NPAS3: variants seen among roughly 807,000 people sequenced by gnomAD.
The protein encoded by NPAS3 is neuronal PAS domain protein 3, also known as neuronal PAS domain-containing protein 3.
A neutral mutation model predicts 73.1 loss-of-function variants in NPAS3; 14 were observed. That is an observed-to-expected ratio of 0.19 (90% CI 0.13 to 0.30). The LOEUF is 0.30. Among genes scored for constraint, NPAS3 ranks in the 10% least tolerant of loss-of-function variants. The probability of loss-of-function intolerance (pLI) is 1.00; values close to 1 mark genes in which losing one functional copy is unlikely to be tolerated. For synonymous variants in NPAS3, 620 were observed against 541.5 expected (o/e 1.14, Z -2.01); for missense variants, 1,096 against 1,250.0 (o/e 0.88, Z 1.86).
intron 4 of NPAS3, among the ~76,000 whole-genome samples, chr14:33,390,937 T>G (rs2046974668): frequency 1.3e-5 from 2 of 152,024 alleles, no homozygotes; most frequent in African/African-American, 2.4e-5. Context: ...GAAAAAAAAA[T>G]TAATAAGGCA....
At chr14:33,685,098 C>G (rs1309070063) in intron 6 of NPAS3, among the ~76,000 whole-genome samples, 1 of 151,750 alleles carries the variant, frequency 6.6e-6, no homozygotes, top group African/African-American at 2.4e-5. Flanking sequence ...GTAGATTATT[C>G]AACAACCATT....
At chr14:33,343,624 A>T (rs937138823) in intron 3 of NPAS3, among the ~76,000 whole-genome samples, 5 of 152,210 alleles carry the variant, frequency 3.3e-5, no homozygotes, top group Admixed American at 2.0e-4. Flanking sequence ...TTAAATATTT[A>T]AAATGTTCCA....
chr14:32,937,666 TGGAG>T (rs2035740472), upstream of NPAS3, among the ~76,000 whole-genome samples: 1 of 152,230 alleles, frequency 6.6e-6, no homozygotes, highest in Non-Finnish European at 1.5e-5. Flanking sequence ...CCTACTTTAC[TGGAG>T]TCGTAGAGAC....
At chr14:33,431,900 C>CA in intron 4 of NPAS3, among the ~76,000 whole-genome samples, 1 of 152,034 alleles carries the variant, frequency 6.6e-6, no homozygotes, top group South Asian at 2.1e-4. Context: ...TCCCATTTTT[C>CA]AAAAATGATG....
chr14:33,467,163 C>T (rs1316643915), intron 4 of NPAS3, among the ~76,000 whole-genome samples: 1 of 152,080 alleles, frequency 6.6e-6, no homozygotes, highest in South Asian at 2.1e-4. Context: ...TGCTCAAGCC[C>T]GCCTGTGTGC....
chr14:33,136,481 C>T (rs190993532), intron 2 of NPAS3, among the ~76,000 whole-genome samples: 1 of 152,272 alleles, frequency 6.6e-6, no homozygotes, highest in Admixed American at 6.5e-5. Context: ...ATATAGTTTT[C>T]TGGAATTTAG....
At chr14:33,644,884 C>T (rs1383207754) in intron 5 of NPAS3, among the ~76,000 whole-genome samples, 1 of 152,024 alleles carries the variant, frequency 6.6e-6, no homozygotes, top group Non-Finnish European at 1.5e-5. Context: ...GGTTTGAGAC[C>T]AGCCTCACCA....
chr14:33,260,974 G>A (rs959183447), intron 3 of NPAS3, among the ~76,000 whole-genome samples: 3 of 152,140 alleles, frequency 2.0e-5, no homozygotes, highest in Admixed American at 6.6e-5. Flanking sequence ...TGTCTTCACA[G>A]AGTAGAAAGT....
chr14:33,629,663 C>T (rs2058325339), intron 5 of NPAS3, among the ~76,000 whole-genome samples: 1 of 151,684 alleles, frequency 6.6e-6, no homozygotes, highest in South Asian at 2.1e-4. Flanking sequence ...ATTGTATGAT[C>T]CTTACTTCTC....
chr14:33,618,480 A>T (rs1226752998), intron 5 of NPAS3, among the ~76,000 whole-genome samples: 1 of 152,052 alleles, frequency 6.6e-6, no homozygotes, highest in Non-Finnish European at 1.5e-5. Context: ...CCATGCTCCT[A>T]TGAAGATCTA....
chr14:33,328,801 T>C (rs1201112728), intron 3 of NPAS3, among the ~76,000 whole-genome samples: 3 of 152,174 alleles, frequency 2.0e-5, no homozygotes, highest in Non-Finnish European at 4.4e-5. Flanking sequence ...GATGAATACT[T>C]ACTCCTTTAA....
intron 6 of NPAS3, among the ~76,000 whole-genome samples, chr14:33,713,862 C>T (rs1247953906): frequency 1.3e-5 from 2 of 152,164 alleles, no homozygotes; most frequent in Admixed American, 6.5e-5. Flanking sequence ...CTGCTTTTAT[C>T]GCCATCACTT....
intron 1 of NPAS3, among the ~76,000 whole-genome samples, chr14:32,993,254 G>A (rs1049059053): frequency 2.0e-5 from 3 of 152,080 alleles, no homozygotes; most frequent in African/African-American, 4.8e-5. Flanking sequence ...AAGCAAGAAC[G>A]GGAGCTGTGT....
chr14:33,317,899 C>A (rs529386031), intron 3 of NPAS3, among the ~76,000 whole-genome samples: 14 of 152,136 alleles, frequency 9.2e-5, no homozygotes, highest in Admixed American at 2.6e-4. Context: ...CAGGAGAATA[C>A]CATCATTCTT....
At chr14:33,306,935 C>T (rs1594650564) in intron 3 of NPAS3, among the ~76,000 whole-genome samples, 1 of 152,182 alleles carries the variant, frequency 6.6e-6, no homozygotes, top group Non-Finnish European at 1.5e-5. Flanking sequence ...AGAGTAAGCA[C>T]TCTGGAAGAA....
rs144970598 is a variant in NPAS3 at position 33,060,595 on chromosome 14, T to A, written c.140+4601T>A. Among the ~76,000 whole-genome samples, 1,337 of 152,358 alleles carry A rather than the reference T, an allele frequency of 8.8e-3. 64 individuals carry two copies. The highest frequency in any genetic ancestry group is 0.081 in the Admixed American group (1,233 of 15,300). The stretch of plus-strand genomic sequence containing the variant: ...TGTCTTTGTTTAGCTGTCTTTTCCA[T>A]CCTTTGGAACCCCATCCTTTTCCAA... On this transcript the variant is annotated intron_variant, in intron 2 of 11. Coordinates refer to ENST00000356141, the Ensembl canonical transcript of NPAS3.
At chr14:33,463,177 G>C (rs2050352963) in intron 4 of NPAS3, among the ~76,000 whole-genome samples, 1 of 152,158 alleles carries the variant, frequency 6.6e-6, no homozygotes, top group African/African-American at 2.4e-5. Flanking sequence ...TAGTGTATGA[G>C]CATTACATCT....
intron 2 of NPAS3, among the ~76,000 whole-genome samples, chr14:33,131,865 A>T (rs1486845151): frequency 1.3e-5 from 2 of 152,198 alleles, no homozygotes; most frequent in Admixed American, 6.6e-5. Context: ...TTTGAGCCGA[A>T]GCTTGCAGGA....
chr14:32,951,193 A>T (rs545153993), intron 1 of NPAS3, among the ~76,000 whole-genome samples: 1 of 152,144 alleles, frequency 6.6e-6, no homozygotes, highest in East Asian at 1.9e-4. Context: ...CTTTATTTTC[A>T]TACTGAGTTG....
Sources: allele counts gnomAD v4.1 joint callset (sites outside exome capture counted in the v4.1 genomes callset), GRCh38; gene constraint gnomAD v4.1.1; transcripts MANE v1.5; gene names NCBI Gene and HGNC (gene_info 2026-07-23, HGNC 2026-07-21).